TXNDC11: variants seen among roughly 807,000 people sequenced by gnomAD.
TXNDC11 encodes thioredoxin domain containing 11.
In TXNDC11, 68 loss-of-function variants were observed where a neutral mutation model predicts 78.0. The ratio of observed to expected loss-of-function variants is 0.87; its 90% CI spans 0.72 to 1.07. The LOEUF is 1.07. Ranked by LOEUF, TXNDC11 falls within the 50% of genes least tolerant of loss-of-function variation. TXNDC11 has a pLI of 0.00. For missense variants in TXNDC11, 1,389 were observed against 1,221.8 expected, an observed-to-expected ratio of 1.14 and a Z score of -2.04; for synonymous variants, 571 against 495.2, an observed-to-expected ratio of 1.15 and a Z score of -2.03.
chr16:11,716,607 T>C (rs976001364), intron 5 of TXNDC11, among the ~76,000 whole-genome samples: 8 of 152,182 alleles, frequency 5.3e-5, no homozygotes, highest in African/African-American at 1.9e-4. Context: ...AGACCTACTA[T>C]AAAAAATTAA....
chr16:11,695,024 G>A lies in TXNDC11; in HGVS notation c.1108-2942C>T, dbSNP rs545888036. Among the ~76,000 whole-genome samples, 30 of 152,354 alleles carry A rather than the reference G, an allele frequency of 2.0e-4. 1 individual carries two copies. The East Asian group carries it at 5.8e-3, about 29-fold the overall frequency. ...CCTTTGCTTACCAGATTCAGACGAT[G>A]TGAATGCCTCAAATAAACACCTTTA... On this transcript the variant is annotated intron_variant, in intron 7 of 11. Transcript: ENST00000283033.
chr16:11,686,795 A>G (rs1004298381), intron 10 of TXNDC11, among the ~76,000 whole-genome samples: 2 of 152,242 alleles, frequency 1.3e-5, no homozygotes, highest in African/African-American at 4.8e-5. Context: ...CTTCTAAACC[A>G]TTTTAATTTC....
At chr16:11,730,968 A>G (rs1355511071) in intron 3 of TXNDC11, among the ~76,000 whole-genome samples, 194 bp from the exon 4 acceptor site, 1 of 152,142 alleles carries the variant, frequency 6.6e-6, no homozygotes, top group Admixed American at 6.5e-5. Context: ...ATTTTGGGTG[A>G]GGAGAGGCAC....
intron 7 of TXNDC11, among the ~76,000 whole-genome samples, chr16:11,693,731 C>A (rs1422761143): frequency 6.6e-6 from 1 of 152,126 alleles, no homozygotes; most frequent in Non-Finnish European, 1.5e-5. Flanking sequence ...AATTTTATTT[C>A]CCCTGCACAA....
chr16:11,707,225 G>A (rs867651703), intron 5 of TXNDC11, among the ~76,000 whole-genome samples: 4 of 151,916 alleles, frequency 2.6e-5, no homozygotes, highest in Non-Finnish European at 5.9e-5. Flanking sequence ...TCAGGAGTTC[G>A]AGACCAGCCT....
chr16:11,721,636 G>A lies in TXNDC11; in HGVS notation c.734C>T (p.Ser245Leu), dbSNP rs189879580. The change falls in exon 5 of 12, where the codon TCA becomes TTA. Residue 245 changes from serine to leucine, a missense_variant. Transcript: ENST00000283033. ...GVLGYFEFSG[S>L]PQPPGYLTFF... ...GGTCAAATAACCAGGAGGCTGGGGT[G>A]AGCCACTGAACTCAAAGTACCCGAG... 2.5e-5 allele frequency: 41 copies of A among 1,612,538 alleles called. No individual in the cohort carries two copies. Among genetic ancestry groups the A allele is most frequent in the Non-Finnish European group, 3.4e-5 (40 of 1,179,022 alleles).
chr16:11,710,816 TAAATA>T (rs2051328605), intron 5 of TXNDC11, among the ~76,000 whole-genome samples: 2 of 152,100 alleles, frequency 1.3e-5, no homozygotes, highest in South Asian at 4.1e-4. Context: ...CCCTGTCAAA[TAAATA>T]AATAAACATT....
chr16:11,699,930 A>C (rs1333137454), intron 6 of TXNDC11, among the ~76,000 whole-genome samples: 1 of 152,246 alleles, frequency 6.6e-6, no homozygotes, highest in Non-Finnish European at 1.5e-5. Flanking sequence ...CACAGAAAGC[A>C]AATGAAATCG....
intron 5 of TXNDC11, among the ~76,000 whole-genome samples, chr16:11,707,032 G>C (rs1010096868): frequency 1.3e-5 from 2 of 151,982 alleles, no homozygotes; most frequent in African/African-American, 4.8e-5. Context: ...TGCAAATTCT[G>C]GTATATTTGG....
At chr16:11,738,822 G>A (rs1408049478) in intron 1 of TXNDC11, among the ~76,000 whole-genome samples, 2 of 152,162 alleles carry the variant, frequency 1.3e-5, no homozygotes, top group Non-Finnish European at 2.9e-5. Flanking sequence ...GAGGTCAGGA[G>A]TTTAAGACCA....
intron 3 of TXNDC11, among the ~76,000 whole-genome samples, chr16:11,731,002 T>C (rs1042990406): frequency 6.6e-6 from 1 of 152,174 alleles, no homozygotes; most frequent in East Asian, 1.9e-4. Flanking sequence ...CCTTCTATGA[T>C]CTTGAATTCA....
intron 4 of TXNDC11, among the ~76,000 whole-genome samples, chr16:11,725,957 C>T (rs142943246): frequency 2.7e-3 from 408 of 152,232 alleles, no homozygotes; most frequent in Non-Finnish European, 4.6e-3. Flanking sequence ...CTCACTGTAA[C>T]GCCAAACTCC....
chr16:11,687,543 C>T (rs544443413), intron 10 of TXNDC11, among the ~76,000 whole-genome samples: 1 of 152,316 alleles, frequency 6.6e-6, no homozygotes, highest in East Asian at 1.9e-4. Flanking sequence ...TTGCCTGGGG[C>T]AACTGTCCCA....
rs1332129224 is a variant in TXNDC11 at position 11,713,131 on chromosome 16, T to C, written c.793+8446A>G. 4.7e-5 allele frequency among the ~76,000 whole-genome samples: 5 copies of C among 106,816 alleles called. No individual in the cohort carries two copies. In the East Asian group the frequency reaches 1.7e-3, roughly 37 times the overall value. The allele number at this position is 106,816 out of a possible 152,430, so 70.1% of individuals were successfully genotyped here. On this transcript the variant is annotated intron_variant, in intron 5 of 11. Coordinates refer to ENST00000283033, the MANE Select transcript of TXNDC11 (RefSeq NM_015914.7). ...TCAGGAAAAAAAAAAAAAAAAAAAA[T>C]TGCCAGGTTGCCAGGCGTGGTGGTG...
chr16:11,700,052 A>C (rs753837557), intron 6 of TXNDC11, among the ~76,000 whole-genome samples: 3 of 152,230 alleles, frequency 2.0e-5, no homozygotes, highest in Non-Finnish European at 2.9e-5. Context: ...TAAGGAGAAA[A>C]GCATGTCACA....
chr16:11,706,298 C>A (rs931840338), intron 5 of TXNDC11, among the ~76,000 whole-genome samples: 1 of 152,142 alleles, frequency 6.6e-6, no homozygotes, highest in South Asian at 2.1e-4. Context: ...TCAAGGTGAC[C>A]ACAGCCAGCA....
At chr16:11,687,153 TTC>T (rs1239517357) in intron 10 of TXNDC11, among the ~76,000 whole-genome samples, 2 of 152,192 alleles carry the variant, frequency 1.3e-5, no homozygotes, top group African/African-American at 4.8e-5. Context: ...CTGTCCATTT[TTC>T]TCTCTTTATT....
intron 1 of TXNDC11, among the ~76,000 whole-genome samples, chr16:11,741,292 A>G (rs1311040334): frequency 6.6e-6 from 1 of 152,232 alleles, no homozygotes; most frequent in African/African-American, 2.4e-5. Flanking sequence ...CAGATCTTAT[A>G]AACTGGAATC....
chr16:11,731,344 T>C (rs1197199965), intron 3 of TXNDC11, among the ~76,000 whole-genome samples: 1 of 152,250 alleles, frequency 6.6e-6, no homozygotes, highest in African/African-American at 2.4e-5. Flanking sequence ...GTCAGTGACC[T>C]GTTTAAATAA....
Sources: gnomAD v4.1 joint callset for allele counts (sites outside exome capture counted in the v4.1 genomes callset) on GRCh38, gnomAD v4.1.1 for gene constraint, MANE v1.5 for transcripts, NCBI Gene and HGNC (gene_info 2026-07-23, HGNC 2026-07-21) for gene names.